SSBP2: variants seen among roughly 807,000 people sequenced by gnomAD.
The protein encoded by SSBP2 is single-stranded DNA-binding protein 2.
SSBP2 carries 17 observed loss-of-function variants against 61.8 expected under a neutral mutation model. That is an observed-to-expected ratio of 0.28 (90% CI 0.19 to 0.41). SSBP2 has a LOEUF of 0.41. SSBP2 is among the 10% of genes least tolerant of loss of function. The probability of loss-of-function intolerance (pLI) is 1.00; values close to 1 mark genes in which losing one functional copy is unlikely to be tolerated. For synonymous variants in SSBP2, 139 were observed against 141.3 expected, an observed-to-expected ratio of 0.98 and a Z score of 0.12; for missense variants, 310 against 458.7, an observed-to-expected ratio of 0.68 and a Z score of 2.96.
intron 4 of SSBP2, among the ~76,000 whole-genome samples, chr5:81,578,970 T>C (rs531977318): frequency 1.3e-5 from 2 of 152,150 alleles, no homozygotes; most frequent in South Asian, 2.1e-4. Flanking sequence ...ATACGAAATA[T>C]GCCAGGTAAA....
At chr5:81,747,032 G>A (rs963385236) in intron 1 of SSBP2, among the ~76,000 whole-genome samples, 2 of 134,606 alleles carry the variant, frequency 1.5e-5, no homozygotes, top group Admixed American at 7.5e-5. Context: ...TGGGGGGGGG[G>A]GGAATCTGAA....
At chr5:81,658,753 G>A (rs1009289820) in intron 1 of SSBP2, among the ~76,000 whole-genome samples, 3 of 152,120 alleles carry the variant, frequency 2.0e-5, no homozygotes, top group Admixed American at 6.5e-5. Context: ...AATGAACATC[G>A]ATGCGAAAAT....
chr5:81,599,519 T>A (rs955328976), intron 4 of SSBP2, among the ~76,000 whole-genome samples: 1 of 152,224 alleles, frequency 6.6e-6, no homozygotes, highest in Non-Finnish European at 1.5e-5. Context: ...CCGCTGATCC[T>A]AGAGAGAAAG....
intron 1 of SSBP2, among the ~76,000 whole-genome samples, chr5:81,721,336 AC>A (rs1755530475): frequency 6.6e-6 from 1 of 152,054 alleles, no homozygotes; most frequent in African/African-American, 2.4e-5. Flanking sequence ...CTCTTCCAAC[AC>A]AGACAACAAG....
intron 4 of SSBP2, among the ~76,000 whole-genome samples, chr5:81,538,363 A>G (rs1387693117): frequency 1.3e-5 from 2 of 152,210 alleles, no homozygotes; most frequent in African/African-American, 4.8e-5. Context: ...ATGTTGGCAG[A>G]AACTGGTTCA....
intron 4 of SSBP2, among the ~76,000 whole-genome samples, chr5:81,551,866 T>G (rs1772217229): frequency 6.6e-6 from 1 of 152,234 alleles, no homozygotes; most frequent in African/African-American, 2.4e-5. Context: ...TTTAAAATGT[T>G]GACAACTATT....
intron 3 of SSBP2, among the ~76,000 whole-genome samples, chr5:81,619,460 C>T: frequency 1.1e-5 from 1 of 94,012 alleles, no homozygotes; most frequent in Non-Finnish European, 2.1e-5. Flanking sequence ...TGGCAATAAT[C>T]AATAGTTTAC....
chr5:81,653,663 C>A (rs1384217898), intron 1 of SSBP2, among the ~76,000 whole-genome samples: 1 of 152,138 alleles, frequency 6.6e-6, no homozygotes, highest in Non-Finnish European at 1.5e-5. Context: ...GATGGTATCT[C>A]ATTGTGGTTT....
rs60642395 is a variant in SSBP2, at chr5:81,587,763, G to GCACACA, written c.282+27704_282+27709dup. The stretch of plus-strand genomic sequence containing the variant: ...CACACACACGCACACACACGCGCGC[G>GCACACA]CACACACACACACACACACACTAAT... On this transcript the variant is annotated intron_variant, in intron 4 of 16. Coordinates refer to ENST00000320672, the MANE Select transcript of SSBP2 (RefSeq NM_012446.5). Among the ~76,000 whole-genome samples the GCACACA allele has an allele frequency of 5.6e-3, 841 of 149,022 alleles. 21 individuals carry two copies. In the South Asian group the frequency reaches 0.076, roughly 14 times the overall value.
At chr5:81,729,228 G>A (rs941439520) in intron 1 of SSBP2, among the ~76,000 whole-genome samples, 2 of 152,028 alleles carry the variant, frequency 1.3e-5, no homozygotes, top group African/African-American at 2.4e-5. Flanking sequence ...TCATTTTTAT[G>A]AATCACTGAA....
At chr5:81,532,245 A>G (rs1275224017) in intron 4 of SSBP2, among the ~76,000 whole-genome samples, 2 of 152,096 alleles carry the variant, frequency 1.3e-5, no homozygotes, top group Non-Finnish European at 2.9e-5. Context: ...AATACTTTAT[A>G]TAATACTATT....
At chr5:81,614,654 C>T (rs1745823666) in intron 4 of SSBP2, among the ~76,000 whole-genome samples, 2 of 152,254 alleles carry the variant, frequency 1.3e-5, no homozygotes, top group South Asian at 4.1e-4. Context: ...TCAGTTATTT[C>T]CTCAGGCTCC....
At chr5:81,582,813 C>T (rs1345689286) in intron 4 of SSBP2, among the ~76,000 whole-genome samples, 3 of 152,106 alleles carry the variant, frequency 2.0e-5, no homozygotes, top group East Asian at 1.9e-4. Flanking sequence ...AGGCTGATCT[C>T]GAACTCCTGA....
chr5:81,590,140 G>A (rs930004801), intron 4 of SSBP2, among the ~76,000 whole-genome samples: 8 of 152,106 alleles, frequency 5.3e-5, no homozygotes, highest in African/African-American at 1.4e-4. Flanking sequence ...CCTTAGAGAT[G>A]TCTGAAGTGG....
intron 1 of SSBP2, among the ~76,000 whole-genome samples, chr5:81,746,809 G>C (rs1188083822): frequency 2.0e-5 from 3 of 152,106 alleles, no homozygotes; most frequent in Admixed American, 2.0e-4. Context: ...GTTCAACTTT[G>C]CTTTCTAGCA....
intron 10 of SSBP2, among the ~76,000 whole-genome samples, chr5:81,459,782 T>C (rs960842846): frequency 6.6e-5 from 10 of 152,166 alleles, no homozygotes; most frequent in African/African-American, 2.4e-4. Context: ...AGTAAGAAGC[T>C]AATAGATCAT....
At chr5:81,721,844 A>C (rs1253033718) in intron 1 of SSBP2, among the ~76,000 whole-genome samples, 1 of 152,092 alleles carries the variant, frequency 6.6e-6, no homozygotes, top group Non-Finnish European at 1.5e-5. Context: ...CTCCAAGTTC[A>C]CTGATGGAAA....
At chr5:81,545,806 A>G (rs866008317) in intron 4 of SSBP2, among the ~76,000 whole-genome samples, 4 of 152,222 alleles carry the variant, frequency 2.6e-5, no homozygotes, top group African/African-American at 9.6e-5. Context: ...AAAAGTTGTT[A>G]CCAAAGTGGC....
intron 3 of SSBP2, chr5:81,616,145 G>C (rs1173225768): frequency 6.5e-6 from 1 of 153,310 alleles, no homozygotes; most frequent in Non-Finnish European, 1.4e-5. Context: ...CTCCCAGCGT[G>C]AGCGACGCAG....
Sources: allele counts gnomAD v4.1 joint callset (sites outside exome capture counted in the v4.1 genomes callset), GRCh38; gene constraint gnomAD v4.1.1; transcripts MANE v1.5; gene names NCBI Gene and HGNC (gene_info 2026-07-23, HGNC 2026-07-21).